The following UBE2L3 variants were observed in gnomAD, a reference collection of about 807,000 sequenced individuals.
UBE2L3 encodes the protein ubiquitin conjugating enzyme E2 L3, also known as ubiquitin-conjugating enzyme E2 L3.
A neutral mutation model predicts 17.8 loss-of-function variants in UBE2L3; 1 was observed. The observed-to-expected ratio is 0.06, with a 90% CI of 0.02 to 0.27. The LOEUF (loss-of-function observed/expected upper bound fraction) is 0.27. UBE2L3 is among the 10% of genes least tolerant of loss of function. The probability of loss-of-function intolerance (pLI) is 1.00; values close to 1 mark genes in which losing one functional copy is unlikely to be tolerated. For synonymous variants in UBE2L3, 44 were observed against 68.5 expected (o/e 0.64, Z 1.76); for missense variants, 40 against 192.6 (o/e 0.21, Z 4.69).
chr22:21,605,995 AT>A lies in UBE2L3; in HGVS notation c.124-4861del, dbSNP rs755317062. Among the ~76,000 whole-genome samples the A allele has an allele frequency of 3.2e-4, 49 of 152,230 alleles. 1 individual carries two copies. The highest frequency in any genetic ancestry group is 4.3e-4 in the Non-Finnish European group (29 of 68,042). On this transcript the variant is annotated intron_variant, in intron 2 of 3. Coordinates refer to ENST00000342192, the MANE Select transcript of UBE2L3 (RefSeq NM_003347.4). ...AATCTGCTTCTCTTGAGCTTTGCCCATGTGTCAGGCATGTAGGACTTTATAG... is the reference window on the plus strand; with the variant it reads ...AATCTGCTTCTCTTGAGCTTTGCCCAGTGTCAGGCATGTAGGACTTTATAG...
At chr22:21,593,036 C>A in intron 2 of UBE2L3, 80 bp downstream of exon 2, 1 of 1,241,550 alleles carries the variant, frequency 8.1e-7, no homozygotes, top group Non-Finnish European at 1.2e-6. Flanking sequence ...TTTTCTGCTC[C>A]TTAGTAGGCT....
At chr22:21,566,764 T>G (rs1008702980), upstream of UBE2L3, among the ~76,000 whole-genome samples, 8 of 151,946 alleles carry the variant, frequency 5.3e-5, no homozygotes, top group African/African-American at 1.9e-4. Context: ...GACAGCCTCA[T>G]GGTCTTCGCC....
intron 1 of UBE2L3, among the ~76,000 whole-genome samples, chr22:21,577,626 G>A (rs1927387085): frequency 6.6e-6 from 1 of 152,210 alleles, no homozygotes; most frequent in Non-Finnish European, 1.5e-5. Context: ...TCTGGGCCTT[G>A]CTCCTGCTTT....
chr22:21,570,771 G>C (rs1162700458), intron 1 of UBE2L3, among the ~76,000 whole-genome samples: 1 of 152,254 alleles, frequency 6.6e-6, no homozygotes, highest in East Asian at 1.9e-4. Flanking sequence ...CAGTACATAG[G>C]GTGGTAATAA....
At chr22:21,617,756 G>A (rs969676606) in intron 3 of UBE2L3, among the ~76,000 whole-genome samples, 2 of 152,140 alleles carry the variant, frequency 1.3e-5, no homozygotes, top group Non-Finnish European at 2.9e-5. Flanking sequence ...CAATCTGTCA[G>A]GTGTTCTTAC....
intron 1 of UBE2L3, among the ~76,000 whole-genome samples, chr22:21,557,410 C>T (rs1259744861): frequency 6.6e-6 from 1 of 152,354 alleles, no homozygotes; most frequent in Non-Finnish European, 1.5e-5. Flanking sequence ...AAAATAAAAA[C>T]AATAATAATA....
intron 3 of UBE2L3, among the ~76,000 whole-genome samples, chr22:21,612,209 G>A (rs1929515166): frequency 6.6e-6 from 1 of 152,132 alleles, no homozygotes; most frequent in Admixed American, 6.5e-5. Context: ...GAAAGGAGTG[G>A]GTGCTAAACA....
At chr22:21,556,590 C>T (rs1395267199) in intron 1 of UBE2L3, among the ~76,000 whole-genome samples, 5 of 152,028 alleles carry the variant, frequency 3.3e-5, no homozygotes, top group South Asian at 2.1e-4. Flanking sequence ...CCACCATGCC[C>T]GGCTAATTTT....
chr22:21,570,300 T>C (rs1331564488), intron 1 of UBE2L3, among the ~76,000 whole-genome samples: 1 of 151,830 alleles, frequency 6.6e-6, no homozygotes, highest in Non-Finnish European at 1.5e-5. Flanking sequence ...GTTTTAAAAT[T>C]ATTACTCTGT....
chr22:21,584,075 A>G (rs1270349425), intron 1 of UBE2L3, among the ~76,000 whole-genome samples: 2 of 151,616 alleles, frequency 1.3e-5, no homozygotes, highest in Non-Finnish European at 2.9e-5. Flanking sequence ...GGGTTTCTCC[A>G]TGTTGGTCAG....
At chr22:21,614,759 A>T (rs1929677914) in intron 3 of UBE2L3, 1 of 762,276 alleles carries the variant, frequency 1.3e-6, no homozygotes, top group Admixed American at 2.7e-5. Flanking sequence ...AAATGAAAAC[A>T]TATGCCCAAT....
At position 21,572,880 on chromosome 22, in the gene UBE2L3, C is replaced by T. The variant is rs142700589; in HGVS notation, c.27+5109C>T. Among the ~76,000 whole-genome samples the T allele has an allele frequency of 9.7e-3, 1,479 of 152,252 alleles. 29 individuals are homozygous for T. The highest frequency in any genetic ancestry group is 0.034 in the African/African-American group (1,408 of 41,542). ...TCTACTCAGTTGCTCAAGGAAAAAA[C>T]GCCAGCGGAGCCCTTCTCGGCTCTT... On this transcript the variant is annotated intron_variant, in intron 1 of 3. Transcript: ENST00000342192.
chr22:21,573,105 ACT>A (rs1927076461), intron 1 of UBE2L3, among the ~76,000 whole-genome samples: 1 of 151,908 alleles, frequency 6.6e-6, no homozygotes, highest in African/African-American at 2.4e-5. Context: ...TGGTCAGCGC[ACT>A]CTCTGTCCCA....
chr22:21,612,571 C>T (rs1298828780), intron 3 of UBE2L3, among the ~76,000 whole-genome samples: 3 of 148,046 alleles, frequency 2.0e-5, no homozygotes, highest in African/African-American at 5.2e-5. Flanking sequence ...GTGATCCGCC[C>T]GCCTCGGCCT....
At chr22:21,591,580 A>G (rs1048685478) in intron 1 of UBE2L3, among the ~76,000 whole-genome samples, 12 of 152,106 alleles carry the variant, frequency 7.9e-5, no homozygotes, top group Non-Finnish European at 1.5e-5. Flanking sequence ...CTTCCTTGCC[A>G]ATTGTTTCCT....
chr22:21,562,845 A>T (rs1241617621), upstream of UBE2L3, among the ~76,000 whole-genome samples: 2 of 151,772 alleles, frequency 1.3e-5, no homozygotes, highest in African/African-American at 4.8e-5. Flanking sequence ...AAGGCCTAAT[A>T]GGTGAGTGCC....
chr22:21,592,388 T>G (rs1246402384), intron 1 of UBE2L3, among the ~76,000 whole-genome samples: 1 of 152,140 alleles, frequency 6.6e-6, no homozygotes, highest in Non-Finnish European at 1.5e-5. Context: ...CGTTTGTGTC[T>G]GGTTTGTTCC....
Position 21,610,967 on chromosome 22 carries a change from C to T in UBE2L3, c.234C>T (p.Asn78=). ...ITFKTKIYHP[N]IDEKGQVCLP... is the part of the protein sequence containing the mutation. ...TTAAAACAAAGATCTATCACCCAAA[C>T]ATCGACGAAAAGGGGCAGGTCTGTC... The change falls in exon 3 of 4, where the codon AAC becomes AAT. Residue 78 remains asparagine, a synonymous_variant. Transcript: ENST00000342192. 1.2e-6 allele frequency: 2 copies of T among 1,613,730 alleles called. No homozygotes were observed. Among genetic ancestry groups the T allele is most frequent in the East Asian group, 2.2e-5 (1 of 44,844 alleles).
chr22:21,621,459 C>A (rs1930034335), intron 3 of UBE2L3, 56 bp from the exon 4 acceptor site: 2 of 1,530,512 alleles, frequency 1.3e-6, no homozygotes, highest in Non-Finnish European at 1.8e-6. Flanking sequence ...CTGCCTCTTG[C>A]CTGTGCCATT....
Sources: allele counts gnomAD v4.1 joint callset (sites outside exome capture counted in the v4.1 genomes callset), GRCh38; gene constraint gnomAD v4.1.1; transcripts MANE v1.5; gene names NCBI Gene and HGNC (gene_info 2026-07-23, HGNC 2026-07-21).